Variants in CERK observed in about 807,000 individuals in gnomAD.
CERK encodes acylsphingosine kinase.
In CERK, 39 loss-of-function variants were observed where a neutral mutation model predicts 63.4. The observed-to-expected ratio is 0.61, with a 90% CI of 0.48 to 0.80. The LOEUF is 0.80. CERK is among the 30% of genes least tolerant of loss of function. CERK has a pLI of 0.00. For missense variants in CERK, 670 were observed against 714.1 expected (o/e 0.94, Z 0.70); for synonymous variants, 302 against 280.0 (o/e 1.08, Z -0.78).
chr22:46,734,264 T>A (rs1432322773), intron 1 of CERK, among the ~76,000 whole-genome samples: 1 of 151,692 alleles, frequency 6.6e-6, no homozygotes, highest in African/African-American at 2.4e-5. Flanking sequence ...CAATGCAATA[T>A]GACTTAGTAA....
At chr22:46,704,824 CAAAAAA>C (rs11431926) in intron 6 of CERK, among the ~76,000 whole-genome samples, 1 of 83,696 alleles carries the variant, frequency 1.2e-5, no homozygotes, top group African/African-American at 4.6e-5. Flanking sequence ...GACTCCATCT[CAAAAAA>C]AAAAAAAAAA....
intron 5 of CERK, among the ~76,000 whole-genome samples, chr22:46,708,282 C>G (rs571609408): frequency 6.4e-4 from 98 of 152,368 alleles, no homozygotes; most frequent in African/African-American, 2.4e-3. Context: ...CTCAAAAACA[C>G]TACACTCTGG....
rs750253970 is a variant in CERK, at chr22:46,691,672, G to A, written c.1232C>T (p.Ala411Val). ...GTCAGAAGACCCGTCTCCCAAGTGG[G>A]CAGCCGGGGAGAGGCCCCTGGGGCT... ...RRSPRGLSPA[A>V]HLGDGSSDLI... is the part of the protein sequence containing the mutation. Residue 411 changes from alanine (A) to valine (V), a missense_variant, in exon 11 of 13, where the codon GCC (alanine) becomes GTC (valine). Ala to Val is a moderately conservative substitution (Grantham distance 64, BLOSUM62 0). Coordinates refer to ENST00000216264, the MANE Select transcript of CERK (RefSeq NM_022766.6). 10 of 1,614,014 alleles carry A rather than the reference G, an allele frequency of 6.2e-6. No individual in the cohort carries two copies. Among genetic ancestry groups the A allele is most frequent in the South Asian group, 1.1e-5 (1 of 91,082 alleles).
Position 46,695,381 on chromosome 22 carries a change from T to A in CERK, c.944-66A>T, listed in dbSNP as rs1233962574. The A allele has an allele frequency of 7.0e-5, 69 of 983,242 alleles. No homozygotes were observed. The South Asian group carries it at 8.4e-4, about 12-fold the overall frequency. The allele number at this position is 983,242 out of a possible 1,614,324, so 60.9% of individuals were successfully genotyped here. On this transcript the variant is annotated intron_variant, in intron 8 of 12. Coordinates refer to ENST00000216264, the MANE Select transcript of CERK (RefSeq NM_022766.6). ...TCATTGCTTGGTTAGGATGCTGTGCTGGGCAGCTTCAGAAATGTCGCTGAG... is the reference window on the plus strand; with the variant it reads ...TCATTGCTTGGTTAGGATGCTGTGCAGGGCAGCTTCAGAAATGTCGCTGAG...
At chr22:46,690,845 G>A (rs1029252401) in intron 11 of CERK, among the ~76,000 whole-genome samples, 3 of 152,194 alleles carry the variant, frequency 2.0e-5, no homozygotes, top group South Asian at 2.1e-4. Flanking sequence ...TTACTGTGTC[G>A]CTTTGTTCTG....
At chr22:46,713,990 C>T (rs1228917017) in intron 3 of CERK, among the ~76,000 whole-genome samples, 1 of 152,082 alleles carries the variant, frequency 6.6e-6, no homozygotes, top group African/African-American at 2.4e-5. Context: ...AAAAATCAGG[C>T]CAGGCTCAGT....
Position 46,717,812 on chromosome 22 carries a change from T to C in CERK, c.379+2274A>G, listed in dbSNP as rs187960009. ...TCTGGGTCTGTGATATGACAAATAC[T>C]AAAACAGCCTGTAATCCCAGCACTT... On this transcript the variant is annotated intron_variant, in intron 3 of 12. Transcript: ENST00000216264. Among the ~76,000 whole-genome samples the C allele has an allele frequency of 1.2e-3, 177 of 152,274 alleles. 3 individuals carry two copies. In the East Asian group the frequency reaches 0.027, roughly 23 times the overall value.
chr22:46,689,709 G>A (rs1447561470), intron 12 of CERK, among the ~76,000 whole-genome samples: 1 of 152,192 alleles, frequency 6.6e-6, no homozygotes, highest in Non-Finnish European at 1.5e-5. Flanking sequence ...AGCACAGGGT[G>A]TGGAAGAGGA....
intron 12 of CERK, among the ~76,000 whole-genome samples, chr22:46,687,504 TG>T (rs961281344): frequency 2.0e-5 from 3 of 152,224 alleles, no homozygotes; most frequent in Non-Finnish European, 4.4e-5. Flanking sequence ...GTGGGAAATC[TG>T]GGCATCGGTA....
In CERK at chr22:46,714,018, C is replaced by T. The variant is rs561324259; in HGVS notation, c.380-1725G>A. Among the ~76,000 whole-genome samples the T allele has an allele frequency of 6.6e-6, 1 of 152,328 alleles. No homozygotes were observed. The highest frequency in any genetic ancestry group is 6.5e-5 in the Admixed American group (1 of 15,302). ...GGCTCAGTGGCTCACGCCTGTTAAT[C>T]CCAACACTTTGGGAGGCCGAGGTGG... On this transcript the variant is annotated intron_variant, in intron 3 of 12. Coordinates refer to ENST00000216264, the MANE Select transcript of CERK (RefSeq NM_022766.6). This position sits in a 1 kb window ranked among gnomAD's most constrained non-coding sequence, Gnocchi z 4.4.
Position 46,716,401 on chromosome 22 carries a change from G to A in CERK, c.379+3685C>T, listed in dbSNP as rs373599580. Among the ~76,000 whole-genome samples the A allele has an allele frequency of 4.0e-5, 6 of 151,208 alleles. 1 individual carries two copies. The highest frequency in any genetic ancestry group is 6.6e-5 in the Admixed American group (1 of 15,168). On this transcript the variant is annotated intron_variant, in intron 3 of 12. Transcript: ENST00000216264. ...AGATGGGGTTTCACCATGTTGGCCAGGCTGGTCCCGAACTCTTGACCTCAG... is the reference window on the plus strand; with the variant it reads ...AGATGGGGTTTCACCATGTTGGCCAAGCTGGTCCCGAACTCTTGACCTCAG...
At chr22:46,718,778 C>G (rs769354048) in intron 3 of CERK, among the ~76,000 whole-genome samples, 6 of 152,160 alleles carry the variant, frequency 3.9e-5, no homozygotes, top group Non-Finnish European at 2.9e-5. Flanking sequence ...GCTGAGTTGT[C>G]AAGACTGTGT....
At chr22:46,713,417 G>A (rs1170323358) in intron 3 of CERK, among the ~76,000 whole-genome samples, 1 of 147,476 alleles carries the variant, frequency 6.8e-6, no homozygotes, top group Non-Finnish European at 1.5e-5. Flanking sequence ...GCTGAGGCAG[G>A]AGAATGGCAT....
chr22:46,698,934 A>AT (rs983417639), intron 8 of CERK, among the ~76,000 whole-genome samples: 1 of 151,852 alleles, frequency 6.6e-6, no homozygotes, highest in African/African-American at 2.4e-5. Context: ...TTTAAAAACT[A>AT]TTTTTTTTCC....
At position 46,738,181 on chromosome 22, in the gene CERK, G is replaced by T. The variant is rs1404463828; in HGVS notation, c.-33C>A. 10 of 1,121,740 alleles carry T rather than the reference G, an allele frequency of 8.9e-6. No individual in the cohort carries two copies. The highest frequency in any genetic ancestry group is 8.7e-6 in the Non-Finnish European group (8 of 918,486). 69.5% of individuals were successfully genotyped at this position (1,121,740 alleles called of 1,614,324 possible). ...GCCGGGCTCGTCCGCCAGGCTGGGGGCGCGCGGACGCCGAGGGGCGCCGGA... is the reference window on the plus strand; with the variant it reads ...GCCGGGCTCGTCCGCCAGGCTGGGGTCGCGCGGACGCCGAGGGGCGCCGGA... On this transcript the variant is annotated 5_prime_UTR_variant, in exon 1 of 13. Transcript: ENST00000216264.
At chr22:46,727,552 C>T (rs953435103) in intron 1 of CERK, among the ~76,000 whole-genome samples, 7 of 151,986 alleles carry the variant, frequency 4.6e-5, no homozygotes, top group African/African-American at 1.7e-4. Flanking sequence ...CACTCAGCCT[C>T]CCAAAGTGTT....
chr22:46,700,100 A>G (rs2082776178), intron 7 of CERK, among the ~76,000 whole-genome samples: 1 of 151,506 alleles, frequency 6.6e-6, no homozygotes, highest in African/African-American at 2.4e-5. Flanking sequence ...TTCAAAAAAA[A>G]TAAAATAGGC....
In CERK at chr22:46,711,102, T is replaced by A; in HGVS notation, c.553A>T (p.Ile185Leu). The A allele has an allele frequency of 6.2e-7, 1 of 1,613,848 alleles. No individual in the cohort carries two copies. Among genetic ancestry groups the A allele is most frequent in the Non-Finnish European group, 8.5e-7 (1 of 1,179,724 alleles). The change falls in exon 5 of 13, where the codon ATA (isoleucine) becomes TTA (leucine). Residue 185 changes from isoleucine to leucine, a missense_variant. Physicochemically the swap from Ile to Leu is conservative, Grantham distance 5. Transcript: ENST00000216264. Reference protein sequence around the residue: ...QAKETLYEINIDKYDGIVCVG... With the variant: ...QAKETLYEINLDKYDGIVCVG... ...CTTACTCACCCGTCGTATTTGTCTA[T>A]GTTAATCTCATACAGAGTCTCCTTG... is the stretch of plus-strand genomic sequence containing the variant.
chr22:46,700,712 C>G (rs1323942425), intron 7 of CERK, among the ~76,000 whole-genome samples: 1 of 151,584 alleles, frequency 6.6e-6, no homozygotes, highest in Non-Finnish European at 1.5e-5. Context: ...GACCCTGTCT[C>G]AAAGAAAAAA....
Sources: gnomAD v4.1 joint callset for allele counts (sites outside exome capture counted in the v4.1 genomes callset) on GRCh38, gnomAD v4.1.1 for gene constraint, Gnocchi (gnomAD v3.1) non-coding constraint, MANE v1.5 for transcripts, NCBI Gene and HGNC (gene_info 2026-07-23, HGNC 2026-07-21) for gene names.